Variants in WBP2 observed in about 807,000 individuals in gnomAD.
WBP2 encodes WW domain binding protein 2, also known as WW domain-binding protein 2.
In WBP2, 23 loss-of-function variants were observed where a neutral mutation model predicts 33.0. The observed-to-expected ratio is 0.70, with a 90% confidence interval of 0.50 to 0.99. WBP2 has a LOEUF of 0.99. WBP2 is among the 50% of genes least tolerant of loss of function. The pLI is 0.00. For synonymous variants in WBP2, 153 were observed against 133.5 expected (o/e 1.15, Z -1.01); for missense variants, 353 against 358.0 (o/e 0.99, Z 0.11).
In WBP2 at chr17:75,847,916, C is replaced by T. The variant is rs572594636; in HGVS notation, c.412G>A (p.Val138Ile). Residue 138 changes from valine to isoleucine, a missense_variant, in exon 5 of 8, where the codon GTC becomes ATC. Physicochemically the swap from Val to Ile is conservative, Grantham distance 29 (BLOSUM62 3). Coordinates refer to ENST00000254806, the MANE Select transcript of WBP2 (RefSeq NM_012478.4). ...QVASQASRGEVPSGAYGYSYM... is the reference protein window; with the variant it reads ...QVASQASRGEIPSGAYGYSYM... ...GAGTAGCCATAGGCTCCACTGGGGA[C>T]TTCACCTCTGGAGGCTACGAGTACA... The T allele has an allele frequency of 5.1e-6, 8 of 1,564,086 alleles. No individual in the cohort carries two copies. In the East Asian group the frequency reaches 1.2e-4, roughly 24 times the overall value.
chr17:75,849,471 C>A lies in WBP2; in HGVS notation c.304+133G>T, dbSNP rs557683750. ...TTGGCAATCAAACCCCACCAGCTGG[C>A]AGCCCAGAGCTGGGAAGAGGTCATG... On this transcript the variant is annotated intron_variant, in intron 3 of 7. Coordinates refer to ENST00000254806, the MANE Select transcript of WBP2 (RefSeq NM_012478.4). 9.5e-4 allele frequency: 1,099 copies of A among 1,150,936 alleles called. 1 individual carries two copies. The highest frequency in any genetic ancestry group is 1.3e-3 in the Non-Finnish European group (1,023 of 817,080). 71.3% of individuals were successfully genotyped at this position (1,150,936 alleles called of 1,614,324 possible).
intron 3 of WBP2, 59 bp downstream of exon 3, chr17:75,849,545 A>G: frequency 6.2e-7 from 1 of 1,604,070 alleles, no homozygotes; most frequent in Admixed American, 1.7e-5. Flanking sequence ...CGGCAGTCAG[A>G]GGTTCCCAGG....
intron 4 of WBP2, 132 bp downstream of exon 4, chr17:75,848,438 G>C (rs1406712930): frequency 1.3e-6 from 1 of 799,318 alleles, no homozygotes; most frequent in African/African-American, 1.7e-5. Flanking sequence ...CAACTCCTAG[G>C]CCTGGTCAGC....
chr17:75,855,425 A>G (rs1226910379), upstream of WBP2: 3 of 972,192 alleles, frequency 3.1e-6, no homozygotes, highest in African/African-American at 4.9e-5. Context: ...TGGCCCAAAC[A>G]CCTGACCCGA....
chr17:75,847,429 C>T (rs755467260), intron 6 of WBP2, 58 bp downstream of exon 6: 18 of 1,559,830 alleles, frequency 1.2e-5, no homozygotes, highest in East Asian at 2.4e-5. Flanking sequence ...GCTCTCTGTG[C>T]GACATCGGGG....
chr17:75,847,388 G>C (rs2064999674), intron 6 of WBP2, 99 bp downstream of exon 6: 1 of 1,526,566 alleles, frequency 6.6e-7, no homozygotes, highest in Non-Finnish European at 8.8e-7. Flanking sequence ...TCCATCATCT[G>C]CGGCTCTCAG....
Position 75,855,314 on chromosome 17 carries a change from G to A in WBP2, c.-17C>T, listed in dbSNP as rs200783397. 9.3e-6 allele frequency: 15 copies of A among 1,611,062 alleles called. No homozygotes were observed. Among genetic ancestry groups the A allele is most frequent in the African/African-American group, 2.7e-5 (2 of 74,790 alleles). The stretch of plus-strand genomic sequence containing the variant: ...GAGCGCCATAGTCTCTCCAACAGGG[G>A]TCCCGAGACTCAAAACGCAATGAGC... On this transcript the variant is annotated 5_prime_UTR_variant, in exon 1 of 8. Transcript: ENST00000254806.
At chr17:75,847,139 G>A (rs189933305) in intron 6 of WBP2, 155 bp from the exon 7 acceptor site, 24 of 788,908 alleles carry the variant, frequency 3.0e-5, no homozygotes, top group South Asian at 8.4e-5. Context: ...CACATGCCAC[G>A]CGCTGGCACG....
chr17:75,855,174 ACCCACCG>A (rs1200063961), intron 1 of WBP2, 58 bp downstream of exon 1: 7 of 377,802 alleles, frequency 1.9e-5, no homozygotes, highest in Non-Finnish European at 3.1e-5. Context: ...ACCACCCACC[ACCCACCG>A]CCCACTTCCT....
chr17:75,852,417 C>T (rs1036933833), intron 1 of WBP2: 1 of 151,914 alleles, frequency 6.6e-6, no homozygotes, highest in Non-Finnish European at 1.5e-5. Flanking sequence ...ATCCCTCAAG[C>T]AAGTTAGATA....
At position 75,846,397 on chromosome 17, in the gene WBP2, T is replaced by C. The variant is rs970151184; in HGVS notation, c.*337A>G. 2.5e-6 allele frequency: 1 copy of C among 397,556 alleles called. No individual in the cohort carries two copies. Among genetic ancestry groups the C allele is most frequent in the Non-Finnish European group, 4.7e-6 (1 of 213,348 alleles). 24.6% of individuals were successfully genotyped at this position (397,556 alleles called of 1,614,324 possible). ...GCAGTGGGTGCCAGACTGAGGGAGC[T>C]GGACTGCGGTGGAGGAGGTGGCCAG... is the stretch of plus-strand genomic sequence containing the variant. On this transcript the variant is annotated 3_prime_UTR_variant, in exon 8 of 8. Coordinates refer to ENST00000254806, the MANE Select transcript of WBP2 (RefSeq NM_012478.4). The surrounding 1 kb of genome is among the most constrained non-coding windows in gnomAD (Gnocchi z 4.8).
rs2064996219 is a variant in WBP2, at chr17:75,846,916, T to C, written c.724A>G (p.Met242Val). 1.2e-6 allele frequency: 2 copies of C among 1,614,114 alleles called. No individual in the cohort carries two copies. The highest frequency in any genetic ancestry group is 1.7e-6 in the Non-Finnish European group (2 of 1,179,990). The change falls in exon 7 of 8, where the codon ATG (methionine) becomes GTG (valine). Residue 242 changes from methionine to valine, a missense_variant. Transcript: ENST00000254806. This position sits in a 1 kb window ranked among gnomAD's most constrained non-coding sequence, Gnocchi z 4.8. ...CTGCCAAGCCCTCTCACCGTGGGCA[T>C]GTAGACGTTGTGAGGATTGCCTGGG... ...YNPGNPHNVYMPTSQPPPPPY... is the reference protein window; with the variant it reads ...YNPGNPHNVYVPTSQPPPPPY...
intron 2 of WBP2, among the ~76,000 whole-genome samples, chr17:75,850,792 C>G (rs139384345): frequency 6.6e-6 from 1 of 152,258 alleles, no homozygotes; most frequent in Non-Finnish European, 1.5e-5. Context: ...CCTCTCCAGG[C>G]TCCAGTTATT....
chr17:75,855,782 C>T (rs1202600805), upstream of WBP2, among the ~76,000 whole-genome samples: 1 of 152,266 alleles, frequency 6.6e-6, no homozygotes, highest in African/African-American at 2.4e-5. Context: ...GCCGAGCTGT[C>T]CCCTTGTGGA....
intron 2 of WBP2, 133 bp from the exon 3 acceptor site, chr17:75,849,872 CAGACA>C: frequency 7.9e-7 from 1 of 1,271,382 alleles, no homozygotes; most frequent in East Asian, 2.5e-5. Flanking sequence ...CTCTCTGTGC[CAGACA>C]CTCCTGGAGA....
chr17:75,846,710 T>G lies in WBP2; in HGVS notation c.*24A>C. On this transcript the variant is annotated 3_prime_UTR_variant, in exon 8 of 8. Transcript: ENST00000254806. This position sits in a 1 kb window ranked among gnomAD's most constrained non-coding sequence, Gnocchi z 4.8. ...GAGGGGTAGGGTAGAGAGATGAGGGTGGGAGGCAGGGAGGCAGGAGGGCCT... is the reference window on the plus strand; with the variant it reads ...GAGGGGTAGGGTAGAGAGATGAGGGGGGGAGGCAGGGAGGCAGGAGGGCCT... 1 of 1,507,592 alleles carries G rather than the reference T, an allele frequency of 6.6e-7. No individual in the cohort carries two copies. The highest frequency in any genetic ancestry group is 8.9e-7 in the Non-Finnish European group (1 of 1,124,496). 93.4% of individuals were successfully genotyped at this position (1,507,592 alleles called of 1,614,324 possible). A position where few individuals can be genotyped will look rare whatever the true frequency, so the allele number is the denominator to read the frequency against.
At chr17:75,850,752 T>C (rs2065023477) in intron 2 of WBP2, among the ~76,000 whole-genome samples, 1 of 152,096 alleles carries the variant, frequency 6.6e-6, no homozygotes, top group South Asian at 2.1e-4. Flanking sequence ...TAGAATCCAG[T>C]GGCATGATCC....
At chr17:75,848,367 G>A in intron 4 of WBP2, 1 of 606,234 alleles carries the variant, frequency 1.6e-6, no homozygotes, top group Non-Finnish European at 2.9e-6. Context: ...CCTGCCCCAG[G>A]CAGGGAAACG....
chr17:75,848,586 G>A lies in WBP2; in HGVS notation c.381C>T (p.Leu127=). 2 of 1,613,938 alleles carry A rather than the reference G, an allele frequency of 1.2e-6. No individual in the cohort carries two copies. Among genetic ancestry groups the A allele is most frequent in the East Asian group, 2.2e-5 (1 of 44,872 alleles). The change falls in exon 4 of 8, where the codon CTC becomes CTT. Residue 127 remains leucine (L), a synonymous_variant. Transcript: ENST00000254806. ...CCTGGATACCTTGAGATGCCACCTG[G>A]AGCATCCGCTGTCCGAACTCAATGG... is the stretch of plus-strand genomic sequence containing the variant. The part of the protein sequence containing the change: ...GGAIEFGQRM[L]QVASQASRGE...
Sources: gnomAD v4.1 joint callset for allele counts (sites outside exome capture counted in the v4.1 genomes callset) on GRCh38, gnomAD v4.1.1 for gene constraint, Gnocchi (gnomAD v3.1) non-coding constraint, MANE v1.5 for transcripts, NCBI Gene and HGNC (gene_info 2026-07-23, HGNC 2026-07-21) for gene names.